The following ACVR1B variants were observed in gnomAD, a reference collection of about 807,000 sequenced individuals.
The protein encoded by ACVR1B is activin A receptor type 1B.
In ACVR1B, 15 loss-of-function variants were observed where a neutral mutation model predicts 55.6. The ratio of observed to expected loss-of-function variants is 0.27; its 90% CI spans 0.18 to 0.42. The LOEUF is 0.42. Among genes scored for constraint, ACVR1B ranks in the 10% least tolerant of loss-of-function variants. The pLI, the probability that ACVR1B is intolerant of heterozygous loss-of-function variation, is 1.00. For missense variants in ACVR1B, 359 were observed against 670.1 expected, an observed-to-expected ratio of 0.54 and a Z score of 5.13; for synonymous variants, 247 against 254.6, an observed-to-expected ratio of 0.97 and a Z score of 0.28.
intron 3 of ACVR1B, among the ~76,000 whole-genome samples, chr12:51,979,296 A>G (rs148266858): frequency 0.018 from 2,741 of 151,484 alleles, 28 homozygotes; most frequent in Non-Finnish European, 0.022. Context: ...TGAAACCCCC[A>G]TCTCTACTAA....
At chr12:51,966,303 G>A (rs1448274361) in intron 1 of ACVR1B, among the ~76,000 whole-genome samples, 1 of 152,168 alleles carries the variant, frequency 6.6e-6, no homozygotes, top group East Asian at 1.9e-4. Context: ...CAGAATGTGG[G>A]AAGCTGCAGG....
At chr12:51,978,657 C>G (rs1941915273) in intron 3 of ACVR1B, among the ~76,000 whole-genome samples, 1 of 149,066 alleles carries the variant, frequency 6.7e-6, no homozygotes, top group Non-Finnish European at 1.5e-5. Context: ...TGGTGAAACC[C>G]TGTCTCTACT....
In ACVR1B at chr12:51,957,064, C is replaced by T. The variant is rs149926201; in HGVS notation, c.91+5230C>T. 5.0e-3 allele frequency among the ~76,000 whole-genome samples: 757 copies of T among 152,140 alleles called. 1 individual carries two copies. Among genetic ancestry groups the T allele is most frequent in the Non-Finnish European group, 9.0e-3 (614 of 67,988 alleles). ...TACGGGTATGAGCCACTGAACCTGG[C>T]CTGTTTCATGTGTTTCTGTTTATTT... On this transcript the variant is annotated intron_variant, in intron 1 of 8. Transcript: ENST00000257963.
chr12:51,963,400 G>A (rs1048528377), intron 1 of ACVR1B, among the ~76,000 whole-genome samples: 11 of 151,936 alleles, frequency 7.2e-5, no homozygotes, highest in Non-Finnish European at 8.8e-5. Flanking sequence ...ATGCGCCACC[G>A]CGCCCAGTTA....
chr12:51,975,552 T>C, intron 2 of ACVR1B, 48 bp downstream of exon 2: 1 of 1,583,600 alleles, frequency 6.3e-7, no homozygotes, highest in Non-Finnish European at 8.6e-7. Context: ...GGAGATAGGG[T>C]ACCCCGTCAT....
At chr12:51,969,929 A>G (rs1211687317) in intron 1 of ACVR1B, among the ~76,000 whole-genome samples, 2 of 152,332 alleles carry the variant, frequency 1.3e-5, no homozygotes, top group East Asian at 3.9e-4. Flanking sequence ...TAAAAAATAA[A>G]GTAGGGATAA....
At chr12:51,992,184 C>A in intron 8 of ACVR1B, 191 bp downstream of exon 8, 1 of 703,738 alleles carries the variant, frequency 1.4e-6, no homozygotes, top group Non-Finnish European at 2.3e-6. Context: ...CTGTAGGGTG[C>A]CATTTGGAGT....
In ACVR1B at chr12:51,996,249, T is replaced by C. The variant is rs368524788; in HGVS notation, c.*2139T>C. The C allele has an allele frequency of 6.6e-6, 1 of 152,524 alleles. No homozygotes were observed. The highest frequency in any genetic ancestry group is 2.4e-5 in the African/African-American group (1 of 41,416). The allele number at this position is 152,524 out of a possible 1,614,324, so 9.4% of individuals were successfully genotyped here. A position where few individuals can be genotyped will look rare whatever the true frequency, so the allele number is the denominator to read the frequency against. On this transcript the variant is annotated 3_prime_UTR_variant, in exon 9 of 9. Coordinates refer to ENST00000257963, the MANE Select transcript of ACVR1B (RefSeq NM_004302.5). Reference sequence around the variant, plus strand: ...CCTTCCTGTCCCCAGGGGAGGTGTATTGTGTATGTAGCCTTAGAGCATCTC... The same window carrying C: ...CCTTCCTGTCCCCAGGGGAGGTGTACTGTGTATGTAGCCTTAGAGCATCTC...
chr12:51,966,522 C>T (rs1174504166), intron 1 of ACVR1B, among the ~76,000 whole-genome samples: 1 of 152,212 alleles, frequency 6.6e-6, no homozygotes, highest in Non-Finnish European at 1.5e-5. Flanking sequence ...AGTCACAGCT[C>T]ACTTCAGCTT....
At chr12:51,977,398 A>G (rs559416855) in intron 3 of ACVR1B, among the ~76,000 whole-genome samples, 3 of 152,194 alleles carry the variant, frequency 2.0e-5, no homozygotes, top group African/African-American at 7.2e-5. Context: ...GCCTGGTTCA[A>G]GTGATTCTCC....
Position 51,976,586 on chromosome 12 carries a change from C to A in ACVR1B, c.580+11C>A, listed in dbSNP as rs371452504. Reference sequence around the variant, plus strand: ...CAGGGTCTGGCTCAGGTACCAAGTTCTTCAGGGCATCATGTCTGTGGTTGG... The same window carrying A: ...CAGGGTCTGGCTCAGGTACCAAGTTATTCAGGGCATCATGTCTGTGGTTGG... On this transcript the variant is annotated intron_variant, in intron 3 of 8. Transcript: ENST00000257963. 5.4e-4 allele frequency: 869 copies of A among 1,611,958 alleles called. 4 individuals are homozygous for A. The South Asian group carries it at 8.9e-3, about 17-fold the overall frequency.
intron 1 of ACVR1B, among the ~76,000 whole-genome samples, chr12:51,971,768 G>GAC (rs2120560724): frequency 6.6e-6 from 1 of 152,306 alleles, no homozygotes; most frequent in African/African-American, 2.4e-5. Context: ...GAGCAGAATT[G>GAC]TCCAGTGTTG....
intron 6 of ACVR1B, among the ~76,000 whole-genome samples, 189 bp downstream of exon 6, chr12:51,985,537 AC>A (rs1942059680): frequency 1.3e-5 from 2 of 152,262 alleles, no homozygotes; most frequent in African/African-American, 2.4e-5. Context: ...TCTAACAGAT[AC>A]AAGTGCTGAG....
At chr12:51,953,068 G>C (rs570736657) in intron 1 of ACVR1B, among the ~76,000 whole-genome samples, 1 of 152,096 alleles carries the variant, frequency 6.6e-6, no homozygotes, top group African/African-American at 2.4e-5. Context: ...ATATTGAAGC[G>C]ATTATTGACC....
chr12:51,967,813 C>G (rs1941671045), intron 1 of ACVR1B, among the ~76,000 whole-genome samples: 1 of 152,236 alleles, frequency 6.6e-6, no homozygotes, highest in African/African-American at 2.4e-5. Flanking sequence ...TGTTGCTAAG[C>G]TAACAAGTGA....
At chr12:51,963,179 G>A (rs1437743063) in intron 1 of ACVR1B, among the ~76,000 whole-genome samples, 2 of 147,312 alleles carry the variant, frequency 1.4e-5, no homozygotes, top group Non-Finnish European at 2.9e-5. Flanking sequence ...TAGTGTTTAA[G>A]TACCTTCATA....
chr12:51,973,102 G>A (rs1197227968), intron 1 of ACVR1B, among the ~76,000 whole-genome samples: 2 of 152,158 alleles, frequency 1.3e-5, no homozygotes, highest in African/African-American at 2.4e-5. Flanking sequence ...GGGTGTGTTC[G>A]TTCTCCAGAA....
At position 51,993,924 on chromosome 12, in the gene ACVR1B, A is replaced by G. The variant is rs900530814; in HGVS notation, c.1393-61A>G. ...GTGGCAGGGAAATGAGTGAGAGCCT[A>G]GGGACCAGAAAGGCTTCTCCAGGGC... On this transcript the variant is annotated intron_variant, in intron 8 of 8. Transcript: ENST00000257963. 19 of 1,597,528 alleles carry G rather than the reference A, an allele frequency of 1.2e-5. No homozygotes were observed. The African/African-American group carries it at 2.5e-4, about 21-fold the overall frequency.
In ACVR1B at chr12:51,962,751, CTTTCTT is replaced by C. The variant is rs541326074; in HGVS notation, c.91+10921_91+10926del. 3.2e-4 allele frequency among the ~76,000 whole-genome samples: 49 copies of C among 152,254 alleles called. No homozygotes were observed. The East Asian group carries it at 4.4e-3, about 14-fold the overall frequency. ...TAGATCAGTAGCTATTAACAATTGT[CTTTCTT>C]TTTAAGACAGTGGAACTCTTAAAAA... is the stretch of plus-strand genomic sequence containing the variant. On this transcript the variant is annotated intron_variant, in intron 1 of 8. Transcript: ENST00000257963.
Sources: allele counts gnomAD v4.1 joint callset (sites outside exome capture counted in the v4.1 genomes callset), GRCh38; gene constraint gnomAD v4.1.1; transcripts MANE v1.5; gene names NCBI Gene and HGNC (gene_info 2026-07-23, HGNC 2026-07-21).